KIAA1671: variants seen among roughly 807,000 people sequenced by gnomAD.
The protein encoded by KIAA1671 is uncharacterized protein KIAA1671.
KIAA1671 carries 52 observed loss-of-function variants against 131.2 expected under a neutral mutation model. The ratio of observed to expected loss-of-function variants is 0.40; its 90% CI spans 0.32 to 0.50. The LOEUF (loss-of-function observed/expected upper bound fraction) is 0.50, where lower values mean the gene tolerates loss of function less well. Ranked by LOEUF, KIAA1671 falls within the 20% of genes least tolerant of loss-of-function variation. The probability of loss-of-function intolerance (pLI) is 0.73; values close to 1 mark genes in which losing one functional copy is unlikely to be tolerated. For missense variants in KIAA1671, 2,360 were observed against 2,364.2 expected, an observed-to-expected ratio of 1.00 and a Z score of 0.04; for synonymous variants, 1,003 against 961.6, an observed-to-expected ratio of 1.04 and a Z score of -0.80.
chr22:25,016,553 C>G (rs1335478102), intron 1 of KIAA1671, among the ~76,000 whole-genome samples: 1 of 152,130 alleles, frequency 6.6e-6, no homozygotes, highest in African/African-American at 2.4e-5. Context: ...GGGGCTGGCC[C>G]AAAGCCGTCA....
chr22:25,012,854 G>T (rs1164816146), intron 1 of KIAA1671: 1 of 152,172 alleles, frequency 6.6e-6, no homozygotes, highest in African/African-American at 2.4e-5. Context: ...CTCCCATGAG[G>T]ATTAGAAAGG....
intron 1 of KIAA1671, among the ~76,000 whole-genome samples, chr22:24,971,950 G>T (rs1922636470): frequency 6.6e-6 from 1 of 152,168 alleles, no homozygotes; most frequent in South Asian, 2.1e-4. Context: ...GACTGAGGGA[G>T]GGTAGGTGCC....
intron 6 of KIAA1671, chr22:25,057,950 C>G (rs1927945157): frequency 1.3e-5 from 2 of 152,230 alleles, no homozygotes; most frequent in African/African-American, 2.4e-5. Context: ...CTCATCCCTC[C>G]TTTGAATAGA....
chr22:25,193,130 G>A lies in KIAA1671; in HGVS notation c.*729G>A, dbSNP rs1934722146. ...TCTTTGAAACTTGATAGGTATATAT[G>A]TGTTTACGTTAAAGGACAGGAGGAA... On this transcript the variant is annotated 3_prime_UTR_variant, in exon 13 of 13. Coordinates refer to ENST00000358431, the MANE Select transcript of KIAA1671 (RefSeq NM_001145206.2). 6.6e-6 allele frequency: 1 copy of A among 152,180 alleles called. No homozygotes were observed. Among genetic ancestry groups the A allele is most frequent in the Non-Finnish European group, 1.5e-5 (1 of 68,038 alleles). The allele number at this position is 152,180 out of a possible 1,614,324, so 9.4% of individuals were successfully genotyped here. A position where few individuals can be genotyped will look rare whatever the true frequency, so the allele number is the denominator to read the frequency against.
At chr22:25,127,636 T>C (rs374385983) in intron 6 of KIAA1671, among the ~76,000 whole-genome samples, 10 of 152,158 alleles carry the variant, frequency 6.6e-5, no homozygotes, top group Admixed American at 1.3e-4. Flanking sequence ...CAGCCACGGC[T>C]AATTAGGAAG....
At chr22:25,181,352 T>C (rs141378269) in intron 9 of KIAA1671, among the ~76,000 whole-genome samples, 6 of 152,222 alleles carry the variant, frequency 3.9e-5, no homozygotes, top group African/African-American at 1.4e-4. Context: ...CGGTGCATTG[T>C]TGGCTGAAAG....
At chr22:25,002,196 C>A (rs555721187) in intron 1 of KIAA1671, among the ~76,000 whole-genome samples, 1 of 152,212 alleles carries the variant, frequency 6.6e-6, no homozygotes, top group African/African-American at 2.4e-5. Context: ...AGGAAAAAAA[C>A]CACTTTGGAG....
intron 1 of KIAA1671, among the ~76,000 whole-genome samples, chr22:25,002,842 C>T (rs1360943727): frequency 4.6e-5 from 7 of 151,948 alleles, no homozygotes; most frequent in Admixed American, 2.6e-4. Context: ...TGCAGTGATG[C>T]AATCTCAGCT....
At chr22:24,999,278 A>G (rs939901060) in intron 1 of KIAA1671, among the ~76,000 whole-genome samples, 2 of 152,220 alleles carry the variant, frequency 1.3e-5, no homozygotes, top group Admixed American at 6.6e-5. Context: ...TCTGTCACCT[A>G]GGCTGGAGTG....
At position 25,194,671 on chromosome 22, in the gene KIAA1671, A is replaced by G. The variant is rs1934769134; in HGVS notation, c.*2270A>G. On this transcript the variant is annotated 3_prime_UTR_variant, in exon 13 of 13. Coordinates refer to ENST00000358431, the MANE Select transcript of KIAA1671 (RefSeq NM_001145206.2). Reference sequence around the variant, plus strand: ...CAATTAATTCTATGTTAATTAGGATATACAAAGTTCACCCTCCTTGAAAGT... The same window carrying G: ...CAATTAATTCTATGTTAATTAGGATGTACAAAGTTCACCCTCCTTGAAAGT... 1.3e-5 allele frequency: 2 copies of G among 152,342 alleles called. No individual in the cohort carries two copies. Among genetic ancestry groups the G allele is most frequent in the Non-Finnish European group, 2.9e-5 (2 of 68,028 alleles). The allele number at this position is 152,342 out of a possible 1,614,324, so 9.4% of individuals were successfully genotyped here.
At chr22:24,969,342 C>T (rs1023056663) in intron 1 of KIAA1671, among the ~76,000 whole-genome samples, 4 of 152,074 alleles carry the variant, frequency 2.6e-5, no homozygotes, top group Non-Finnish European at 4.4e-5. Flanking sequence ...ATATAACCTA[C>T]GCATATCTTC....
intron 6 of KIAA1671, among the ~76,000 whole-genome samples, chr22:25,101,992 C>T (rs978671006): frequency 5.3e-5 from 8 of 152,056 alleles, no homozygotes; most frequent in African/African-American, 1.4e-4. Context: ...GTCTCAGAGG[C>T]GGGAGTATCT....
intron 9 of KIAA1671, among the ~76,000 whole-genome samples, chr22:25,178,473 G>T (rs149747033): frequency 2.0e-5 from 3 of 152,274 alleles, no homozygotes; most frequent in African/African-American, 7.2e-5. Context: ...AAGGGCTCTA[G>T]GGTGGGTCTT....
At chr22:25,035,235 T>C (rs1926525364) in intron 4 of KIAA1671, among the ~76,000 whole-genome samples, 1 of 151,874 alleles carries the variant, frequency 6.6e-6, no homozygotes, top group African/African-American at 2.4e-5. Context: ...TTAGTAGAGA[T>C]GGGGTTTCAC....
At chr22:25,184,909 T>G in intron 10 of KIAA1671, 68 bp from the exon 11 acceptor site, 1 of 1,538,776 alleles carries the variant, frequency 6.5e-7, no homozygotes, top group Non-Finnish European at 8.8e-7. Flanking sequence ...GTACCTGACA[T>G]TTGCATGGGA....
chr22:25,179,555 G>A, intron 9 of KIAA1671: 2 of 1,569,336 alleles, frequency 1.3e-6, no homozygotes, highest in South Asian at 1.2e-5. Context: ...CGCCTCCTGC[G>A]TTGGGAAGGG....
At chr22:24,973,030 G>C (rs996977952) in intron 1 of KIAA1671, among the ~76,000 whole-genome samples, 8 of 152,162 alleles carry the variant, frequency 5.3e-5, no homozygotes, top group African/African-American at 9.7e-5. Context: ...TAGCAGGACC[G>C]GCAAGTGCAA....
In KIAA1671 at chr22:25,030,262, C is replaced by T. The variant is rs546244992; in HGVS notation, c.1541+722C>T. ...GTTAATAATGATGTTCTAGGCCGGG[C>T]GCGGTGGCTCATGCCTGTAATCCCA... On this transcript the variant is annotated intron_variant, in intron 3 of 12. Coordinates refer to ENST00000358431, the MANE Select transcript of KIAA1671 (RefSeq NM_001145206.2). Among the ~76,000 whole-genome samples the T allele has an allele frequency of 5.0e-3, 753 of 152,102 alleles. 9 individuals carry two copies. Among genetic ancestry groups the T allele is most frequent in the East Asian group, 0.023 (120 of 5,150 alleles).
intron 6 of KIAA1671, among the ~76,000 whole-genome samples, chr22:25,099,708 T>C (rs1930570351): frequency 6.6e-6 from 1 of 151,854 alleles, no homozygotes; most frequent in Admixed American, 6.6e-5. Context: ...AGAGATGGGG[T>C]TTCACCATGT....
Sources: gnomAD v4.1 joint callset for allele counts (sites outside exome capture counted in the v4.1 genomes callset) on GRCh38, gnomAD v4.1.1 for gene constraint, MANE v1.5 for transcripts, NCBI Gene and HGNC (gene_info 2026-07-23, HGNC 2026-07-21) for gene names.